FOSL1: variants seen among roughly 807,000 people sequenced by gnomAD.
The protein encoded by FOSL1 is fos-related antigen 1.
A neutral mutation model predicts 24.9 loss-of-function variants in FOSL1; 14 were observed. The observed-to-expected ratio is 0.56, with a 90% confidence interval of 0.37 to 0.88. The LOEUF (loss-of-function observed/expected upper bound fraction) is 0.88. Ranked by LOEUF, FOSL1 falls within the 40% of genes least tolerant of loss-of-function variation. The pLI is 0.00. For synonymous variants in FOSL1, 133 were observed against 145.1 expected, an observed-to-expected ratio of 0.92 and a Z score of 0.60; for missense variants, 318 against 359.8, an observed-to-expected ratio of 0.88 and a Z score of 0.94.
chr11:65,899,964 T>A (rs1007890828), intron 1 of FOSL1, among the ~76,000 whole-genome samples: 3 of 151,842 alleles, frequency 2.0e-5, no homozygotes, highest in Non-Finnish European at 4.4e-5. Context: ...AAGTCAGAGG[T>A]GGGCAGGAGG....
intron 1 of FOSL1, 94 bp from the exon 2 acceptor site, chr11:65,897,100 T>TC: frequency 1.1e-6 from 1 of 919,316 alleles, no homozygotes; most frequent in South Asian, 1.4e-5. Context: ...ACCTTCAATG[T>TC]ACAGGCTAGC....
chr11:65,896,283 C>A (rs1306858027), intron 2 of FOSL1, among the ~76,000 whole-genome samples: 1 of 152,150 alleles, frequency 6.6e-6, no homozygotes, highest in Non-Finnish European at 1.5e-5. Flanking sequence ...TCTGTGCCTT[C>A]ATTTCTTTGG....
chr11:65,895,530 C>G (rs1341483234), intron 2 of FOSL1, among the ~76,000 whole-genome samples: 1 of 152,190 alleles, frequency 6.6e-6, no homozygotes, highest in Non-Finnish European at 1.5e-5. Context: ...CTCACTCACT[C>G]TATTCCACAT....
chr11:65,898,101 C>T (rs1460806944), intron 1 of FOSL1, among the ~76,000 whole-genome samples: 1 of 124,276 alleles, frequency 8.0e-6, no homozygotes, highest in Non-Finnish European at 1.6e-5. Context: ...AGTGCAGTAG[C>T]CCGATCTCGC....
chr11:65,895,607 C>T (rs1286964752), intron 2 of FOSL1, among the ~76,000 whole-genome samples: 1 of 152,196 alleles, frequency 6.6e-6, no homozygotes, highest in Non-Finnish European at 1.5e-5. Flanking sequence ...CACAGCCCTA[C>T]CTGGAGAACC....
rs1022553515 is a variant in FOSL1 at position 65,892,164 on chromosome 11, G to T, written c.*722C>A. On this transcript the variant is annotated 3_prime_UTR_variant, in exon 4 of 4. Coordinates refer to ENST00000312562, the MANE Select transcript of FOSL1 (RefSeq NM_005438.5). ...AGTGAGTCTGTAGAGCTAAGGCTGG[G>T]ACCTAGGGCTCCAAATACTCTCCCA... 1.0e-4 allele frequency: 19 copies of T among 183,426 alleles called. 1 individual carries two copies. Among genetic ancestry groups the T allele is most frequent in the Admixed American group, 9.5e-4 (17 of 17,986 alleles). 11.4% of individuals were successfully genotyped at this position (183,426 alleles called of 1,614,324 possible).
intron 2 of FOSL1, among the ~76,000 whole-genome samples, chr11:65,895,341 G>A (rs1488547421): frequency 6.6e-6 from 1 of 151,672 alleles, no homozygotes; most frequent in Non-Finnish European, 1.5e-5. Flanking sequence ...AGCCAGGATG[G>A]TCTCGATCTC....
chr11:65,898,650 T>A (rs1377238634), intron 1 of FOSL1, among the ~76,000 whole-genome samples: 1 of 152,150 alleles, frequency 6.6e-6, no homozygotes, highest in Non-Finnish European at 1.5e-5. Flanking sequence ...AGCTCTGAAA[T>A]CATAGTTTAA....
intron 1 of FOSL1, among the ~76,000 whole-genome samples, chr11:65,897,889 T>G: frequency 7.7e-6 from 1 of 130,566 alleles, no homozygotes; most frequent in East Asian, 2.0e-4. Context: ...TTCCATTGCT[T>G]TTTTTTTTTT....
intron 2 of FOSL1, among the ~76,000 whole-genome samples, 162 bp downstream of exon 2, chr11:65,896,646 TG>T (rs1169247223): frequency 6.6e-6 from 1 of 152,168 alleles, no homozygotes; most frequent in Non-Finnish European, 1.5e-5. Context: ...TTGTACCCTC[TG>T]GGCCTCCCGT....
chr11:65,897,066 T>C (rs531986458), intron 1 of FOSL1, 60 bp from the exon 2 acceptor site: 5 of 1,275,532 alleles, frequency 3.9e-6, no homozygotes, highest in East Asian at 4.6e-5. Context: ...GGGCTTCCAC[T>C]GGGCAGAGGC....
In FOSL1 at chr11:65,892,107, A is replaced by G. The variant is rs1158192347; in HGVS notation, c.*779T>C. Reference sequence around the variant, plus strand: ...CCACTTGTCAGATAAGACAAAGTCCAAAAATATCAAAGAATTTGTCCAAGG... The same window carrying G: ...CCACTTGTCAGATAAGACAAAGTCCGAAAATATCAAAGAATTTGTCCAAGG... On this transcript the variant is annotated 3_prime_UTR_variant, in exon 4 of 4. Transcript: ENST00000312562. 2 of 157,350 alleles carry G rather than the reference A, an allele frequency of 1.3e-5. No individual in the cohort carries two copies. The highest frequency in any genetic ancestry group is 3.8e-4 in the East Asian group (2 of 5,244). The allele number at this position is 157,350 out of a possible 1,614,324, so 9.7% of individuals were successfully genotyped here.
intron 3 of FOSL1, among the ~76,000 whole-genome samples, 155 bp from the exon 4 acceptor site, chr11:65,893,451 GC>G (rs1395301657): frequency 6.6e-6 from 1 of 152,126 alleles, no homozygotes; most frequent in African/African-American, 2.4e-5. Flanking sequence ...ACTCCCATAA[GC>G]CCCTGGGAGA....
In FOSL1 at chr11:65,896,937, G is replaced by A. The variant is rs368840880; in HGVS notation, c.169C>T (p.His57Tyr). The stretch of plus-strand genomic sequence containing the variant: ...GGGTAACTGCTGGGCCCCAGGAAAT[G>A]AGGCTGTACCATCCACTGCAGCTCC... The part of the protein sequence containing the change: ...SQELQWMVQP[H>Y]FLGPSSYPRP... Residue 57 changes from histidine to tyrosine, a missense_variant, in exon 2 of 4, where the codon CAT (histidine) becomes TAT (tyrosine). By Grantham distance (83) the His-to-Tyr change is moderately conservative. Transcript: ENST00000312562. 1.2e-4 allele frequency: 200 copies of A among 1,614,050 alleles called. No homozygotes were observed. Among genetic ancestry groups the A allele is most frequent in the Non-Finnish European group, 1.6e-4 (185 of 1,180,022 alleles).
Position 65,892,340 on chromosome 11 carries a change from C to T in FOSL1, c.*546G>A, listed in dbSNP as rs541673511. ...GGATTCCCTGGAGCTGAAGGCTTCTCAAAGCTGAGATCCGCAGATCAGCTC... is the reference window on the plus strand; with the variant it reads ...GGATTCCCTGGAGCTGAAGGCTTCTTAAAGCTGAGATCCGCAGATCAGCTC... On this transcript the variant is annotated 3_prime_UTR_variant, in exon 4 of 4. Transcript: ENST00000312562. The T allele has an allele frequency of 1.4e-4, 38 of 274,328 alleles. No homozygotes were observed. Among genetic ancestry groups the T allele is most frequent in the African/African-American group, 8.1e-4 (36 of 44,392 alleles). 17.0% of individuals were successfully genotyped at this position (274,328 alleles called of 1,614,324 possible). A position where few individuals can be genotyped will look rare whatever the true frequency, so the allele number is the denominator to read the frequency against.
In FOSL1 at chr11:65,894,283, C is replaced by A. The variant is rs892479402; in HGVS notation, c.298-162G>T. On this transcript the variant is annotated intron_variant, in intron 2 of 3. Transcript: ENST00000312562. ...ACCCAACCAGTTCCCTGCACTGAGGCGCTGTCTGCTTTGATTGGTAAAATT... is the reference window on the plus strand; with the variant it reads ...ACCCAACCAGTTCCCTGCACTGAGGAGCTGTCTGCTTTGATTGGTAAAATT... Among the ~76,000 whole-genome samples, 6 of 152,158 alleles carry A rather than the reference C, an allele frequency of 3.9e-5. No homozygotes were observed. The South Asian group carries it at 6.2e-4, about 16-fold the overall frequency.
At chr11:65,898,109 C>T (rs1181595708) in intron 1 of FOSL1, among the ~76,000 whole-genome samples, 1 of 128,574 alleles carries the variant, frequency 7.8e-6, no homozygotes, top group Non-Finnish European at 1.6e-5. Flanking sequence ...AGCCCGATCT[C>T]GCCTCACTGC....
intron 1 of FOSL1, among the ~76,000 whole-genome samples, chr11:65,899,188 C>T (rs1000469488): frequency 1.3e-5 from 2 of 152,164 alleles, no homozygotes; most frequent in Non-Finnish European, 2.9e-5. Context: ...AGCTCTGCCG[C>T]TGGGCCCTGG....
At position 65,894,023 on chromosome 11, in the gene FOSL1, G is replaced by A. The variant is rs1220768608; in HGVS notation, c.396C>T (p.Phe132=). The A allele has an allele frequency of 3.0e-5, 48 of 1,597,378 alleles. No individual in the cohort carries two copies. The highest frequency in any genetic ancestry group is 4.1e-5 in the Non-Finnish European group (48 of 1,172,340). The change falls in exon 3 of 4, where the codon TTC becomes TTT. Residue 132 remains phenylalanine (F), a synonymous_variant. Coordinates refer to ENST00000312562, the MANE Select transcript of FOSL1 (RefSeq NM_005438.5). ...CAGGGCTGGTGCTCACCGCCTGCAG[G>A]AAGTCGGTCAGTTCCTTCCTCCGGT... The part of the protein sequence containing the change: ...CRNRRKELTD[F]LQAETDKLED...
Sources: gnomAD v4.1 joint callset for allele counts (sites outside exome capture counted in the v4.1 genomes callset) on GRCh38, gnomAD v4.1.1 for gene constraint, MANE v1.5 for transcripts, NCBI Gene and HGNC (gene_info 2026-07-23, HGNC 2026-07-21) for gene names.